Variants in USP31 observed in about 807,000 individuals in gnomAD.
The protein encoded by USP31 is ubiquitin specific peptidase 31, also known as ubiquitin carboxyl-terminal hydrolase 31.
In USP31, 44 loss-of-function variants were observed where a neutral mutation model predicts 119.4. That is an observed-to-expected ratio of 0.37 (90% confidence interval 0.29 to 0.47). The LOEUF (loss-of-function observed/expected upper bound fraction) is 0.47. Ranked by LOEUF, USP31 falls within the 20% of genes least tolerant of loss-of-function variation. USP31 has a pLI of 0.99. For synonymous variants in USP31, 749 were observed against 705.6 expected (o/e 1.06, Z -0.97); for missense variants, 1,643 against 1,730.2 (o/e 0.95, Z 0.89).
rs762889418 is a variant in USP31, at chr16:23,080,065, G to A, written c.2057C>T (p.Pro686Leu). ...CCGTCTCCACGGGGACCAATGCGAT[G>A]GCAAACTCCAGCTGCTCTGGCTCCT... The part of the protein sequence containing the change: ...VKRSQSSWSL[P>L]SHWSPWRRPY... The change falls in exon 13 of 16, where the codon CCA (proline) becomes CTA (leucine). Residue 686 changes from proline (P) to leucine (L), a missense_variant. This residue lies in a region of USP31 where 279 missense variants were observed against 372.2 expected (regional missense o/e 0.75). Coordinates refer to ENST00000219689, the MANE Select transcript of USP31 (RefSeq NM_020718.4). The A allele has an allele frequency of 6.2e-7, 1 of 1,614,068 alleles. No individual in the cohort carries two copies. Among genetic ancestry groups the A allele is most frequent in the Non-Finnish European group, 8.5e-7 (1 of 1,179,984 alleles).
At position 23,068,981 on chromosome 16, in the gene USP31, C is replaced by G. The variant is rs1368700423; in HGVS notation, c.3124G>C (p.Gly1042Arg). The G allele has an allele frequency of 1.2e-6, 2 of 1,614,166 alleles. No individual in the cohort carries two copies. The highest frequency in any genetic ancestry group is 1.7e-6 in the Non-Finnish European group (2 of 1,180,028). Residue 1042 changes from glycine (G) to arginine (R), a missense_variant, in exon 16 of 16, where the codon GGG becomes CGG. Gly to Arg is a moderately radical substitution (Grantham distance 125, BLOSUM62 -2). Around this residue, in one of 5 missense-constraint regions of USP31, gnomAD observed 699 missense variants for 650.9 expected, o/e 1.07. Coordinates refer to ENST00000219689, the MANE Select transcript of USP31 (RefSeq NM_020718.4). ...TCCTGGCTTGCCAAGGCTGGTCTCC[C>G]CTTCCGCAAGCTTTTCTCTGGCTCA... is the stretch of plus-strand genomic sequence containing the variant. The part of the protein sequence containing the change: ...TSEPEKSLRK[G>R]RPALASQESS...
chr16:23,140,284 A>G (rs1318286081), intron 1 of USP31, among the ~76,000 whole-genome samples: 1 of 152,036 alleles, frequency 6.6e-6, no homozygotes, highest in East Asian at 1.9e-4. Flanking sequence ...GTGGTTCTCA[A>G]TTTTGCTGCC....
At chr16:23,111,005 G>A (rs924805139) in intron 1 of USP31, among the ~76,000 whole-genome samples, 4 of 152,086 alleles carry the variant, frequency 2.6e-5, no homozygotes, top group African/African-American at 9.7e-5. Flanking sequence ...GTGGGCGCCT[G>A]TAGTCCTAGT....
At chr16:23,130,584 T>C (rs888843540) in intron 1 of USP31, among the ~76,000 whole-genome samples, 12 of 152,130 alleles carry the variant, frequency 7.9e-5, no homozygotes, top group African/African-American at 2.9e-4. Context: ...CAAAGACAAA[T>C]GCTTTCTCTC....
intron 13 of USP31, among the ~76,000 whole-genome samples, chr16:23,078,045 G>C (rs1360238044): frequency 6.6e-6 from 1 of 152,142 alleles, no homozygotes. Context: ...CGGGCGCAGT[G>C]GCTCATGCCT....
intron 6 of USP31, among the ~76,000 whole-genome samples, chr16:23,098,903 T>G (rs1015757175): frequency 2.0e-5 from 3 of 152,192 alleles, no homozygotes; most frequent in Non-Finnish European, 2.9e-5. Context: ...TTTAGGGACA[T>G]AGGCATGAGC....
chr16:23,074,855 C>T (rs1427688311), intron 13 of USP31, among the ~76,000 whole-genome samples: 4 of 152,184 alleles, frequency 2.6e-5, no homozygotes, highest in African/African-American at 9.7e-5. Flanking sequence ...AAGCTTGATC[C>T]AGAAAAGTAC....
At chr16:23,109,401 T>C (rs759761372) in intron 1 of USP31, among the ~76,000 whole-genome samples, 2 of 152,096 alleles carry the variant, frequency 1.3e-5, no homozygotes, top group African/African-American at 4.8e-5. Flanking sequence ...ATCAACAGAA[T>C]AAACAATATT....
At position 23,065,895 on chromosome 16, in the gene USP31, T is replaced by C. The variant is rs1043980958; in HGVS notation, c.*2151A>G. 1.3e-5 allele frequency: 2 copies of C among 152,222 alleles called. No individual in the cohort carries two copies. The highest frequency in any genetic ancestry group is 2.9e-5 in the Non-Finnish European group (2 of 68,032). 9.4% of individuals were successfully genotyped at this position (152,222 alleles called of 1,614,324 possible). A position where few individuals can be genotyped will look rare whatever the true frequency, so the allele number is the denominator to read the frequency against. ...TTCAGATAGGAGACTTCAAATGAGA[T>C]CTACCTATTAAACAAAAATGAGAGG... On this transcript the variant is annotated 3_prime_UTR_variant, in exon 16 of 16. Transcript: ENST00000219689.
intron 1 of USP31, among the ~76,000 whole-genome samples, chr16:23,140,219 T>C (rs560724871): frequency 1.6e-4 from 25 of 152,344 alleles, no homozygotes; most frequent in South Asian, 2.1e-4. Context: ...ATCCATAATG[T>C]GCCCCCTCTC....
In USP31 at chr16:23,088,452, G is replaced by T. The variant is rs796558390; in HGVS notation, c.1416-617C>A. Among the ~76,000 whole-genome samples, 33 of 152,324 alleles carry T rather than the reference G, an allele frequency of 2.2e-4. 1 individual carries two copies. The highest frequency in any genetic ancestry group is 7.5e-4 in the African/African-American group (31 of 41,570). ...CAGTCTGGAATATGATCTGAGCACTGAGATGTTTTTAGGGCCTCTCTGGGT... is the reference window on the plus strand; with the variant it reads ...CAGTCTGGAATATGATCTGAGCACTTAGATGTTTTTAGGGCCTCTCTGGGT... On this transcript the variant is annotated intron_variant, in intron 7 of 15. Coordinates refer to ENST00000219689, the MANE Select transcript of USP31 (RefSeq NM_020718.4).
chr16:23,130,413 C>A (rs866557005), intron 1 of USP31, among the ~76,000 whole-genome samples: 1 of 138,586 alleles, frequency 7.2e-6, no homozygotes, highest in Non-Finnish European at 1.6e-5. Flanking sequence ...AAGTGACACC[C>A]CCCCCCCAAC....
intron 1 of USP31, among the ~76,000 whole-genome samples, chr16:23,141,427 C>T (rs1275056951): frequency 6.6e-6 from 1 of 151,646 alleles, no homozygotes; most frequent in Non-Finnish European, 1.5e-5. Flanking sequence ...TAGCCCAGGC[C>T]AGAGGGCAGT....
At chr16:23,075,137 A>G (rs773879644) in intron 13 of USP31, among the ~76,000 whole-genome samples, 9 of 152,360 alleles carry the variant, frequency 5.9e-5, no homozygotes, top group South Asian at 2.1e-4. Context: ...GAACGGAGGC[A>G]GGGAAGTTAT....
Position 23,078,736 on chromosome 16 carries a change from G to T in USP31, c.2176+1210C>A, listed in dbSNP as rs1365760120. Among the ~76,000 whole-genome samples, 4 of 152,194 alleles carry T rather than the reference G, an allele frequency of 2.6e-5. No individual in the cohort carries two copies. The East Asian group carries it at 7.7e-4, about 29-fold the overall frequency. ...GCCCAGGGCAAGCAGGATGTGAGGG[G>T]CTCAATAAATGTTCACTTGAACAAC... On this transcript the variant is annotated intron_variant, in intron 13 of 15. Transcript: ENST00000219689.
At chr16:23,073,348 A>G (rs922341728) in intron 14 of USP31, among the ~76,000 whole-genome samples, 3 of 152,320 alleles carry the variant, frequency 2.0e-5, no homozygotes, top group South Asian at 2.1e-4. Context: ...AGGCATTATT[A>G]TTACACCTGT....
Position 23,106,889 on chromosome 16 carries a change from G to C in USP31, c.772-402C>G, listed in dbSNP as rs137929194. ...ACACTTTGAGAGGCAGGGGTGGGCGGATCACTTGAGGTCGGGAGTTCGAGA... is the reference window on the plus strand; with the variant it reads ...ACACTTTGAGAGGCAGGGGTGGGCGCATCACTTGAGGTCGGGAGTTCGAGA... On this transcript the variant is annotated intron_variant, in intron 2 of 15. Transcript: ENST00000219689. Among the ~76,000 whole-genome samples the C allele has an allele frequency of 7.9e-5, 12 of 152,250 alleles. No homozygotes were observed. In the East Asian group the frequency reaches 2.3e-3, roughly 29 times the overall value.
At chr16:23,112,539 C>G (rs1024298375) in intron 1 of USP31, among the ~76,000 whole-genome samples, 6 of 151,910 alleles carry the variant, frequency 3.9e-5, no homozygotes, top group Non-Finnish European at 8.8e-5. Flanking sequence ...CGCGCCATTG[C>G]ACTCCAGCTT....
rs776117845 is a variant in USP31 at position 23,068,508 on chromosome 16, G to A, written c.3597C>T (p.Ser1199=). ...TGGGGGAGCGCAGGCTGGCCATGGA[G>A]GAGCTCCGCACGTGCTTCCCGGCCC... ...GRGAGKHVRS[S]SMASLRSPST... Residue 1199 remains serine (S), a synonymous_variant, in exon 16 of 16, where the codon TCC becomes TCT. Transcript: ENST00000219689. The A allele has an allele frequency of 1.2e-6, 2 of 1,613,756 alleles. No homozygotes were observed. Among genetic ancestry groups the A allele is most frequent in the Admixed American group, 1.7e-5 (1 of 60,016 alleles).
Sources: allele counts gnomAD v4.1 joint callset (sites outside exome capture counted in the v4.1 genomes callset), GRCh38; gene constraint gnomAD v4.1.1; regional missense constraint gnomAD v4.1.1; transcripts MANE v1.5; gene names NCBI Gene and HGNC (gene_info 2026-07-23, HGNC 2026-07-21).